The following CBR3 variants were observed in gnomAD, a reference collection of about 807,000 sequenced individuals.
CBR3 encodes the protein carbonyl reductase [NADPH] 3.
A neutral mutation model predicts 11.6 loss-of-function variants in CBR3; 14 were observed. The ratio of observed to expected loss-of-function variants is 1.20; its 90% CI spans 0.79 to 1.88. The LOEUF (loss-of-function observed/expected upper bound fraction) is 1.88, where lower values mean the gene tolerates loss of function less well. Ranked by LOEUF, CBR3 falls within the 40% of genes most tolerant of loss-of-function variation. The pLI, the probability that CBR3 is intolerant of heterozygous loss-of-function variation, is 0.00. For missense variants in CBR3, 308 were observed against 357.3 expected, an observed-to-expected ratio of 0.86 and a Z score of 1.11; for synonymous variants, 125 against 145.6, an observed-to-expected ratio of 0.86 and a Z score of 1.02.
chr21:36,143,415 A>T (rs35361990), intron 2 of CBR3, among the ~76,000 whole-genome samples: 6,666 of 152,282 alleles, frequency 0.044, 191 homozygotes, highest in Non-Finnish European at 0.064. Context: ...GTGTAAATTA[A>T]CACATTTACT....
chr21:36,143,879 C>CAAA (rs35169663), intron 2 of CBR3, among the ~76,000 whole-genome samples: 1 of 91,952 alleles, frequency 1.1e-5, no homozygotes, highest in African/African-American at 4.1e-5. Flanking sequence ...GATTCTGTCT[C>CAAA]AAAAAAAAAA....
At chr21:36,145,938 G>GC in intron 2 of CBR3, 138 bp from the exon 3 acceptor site, 1 of 648,882 alleles carries the variant, frequency 1.5e-6, no homozygotes, top group Non-Finnish European at 2.5e-6. Context: ...TCTAGCCTGG[G>GC]CAACAGGGCG....
At chr21:36,141,835 C>T in intron 2 of CBR3, 1 of 703,982 alleles carries the variant, frequency 1.4e-6, no homozygotes, top group South Asian at 6.4e-5. Flanking sequence ...CACCTCCTCC[C>T]CTTAAGAGGA....
chr21:36,137,314 A>G (rs180827848), intron 1 of CBR3: 1 of 154,618 alleles, frequency 6.5e-6, no homozygotes, highest in Non-Finnish European at 1.4e-5. Flanking sequence ...TGTCTCTGCA[A>G]AAAGTAAAAA....
intron 2 of CBR3, 103 bp from the exon 3 acceptor site, chr21:36,145,973 A>AC: frequency 2.5e-6 from 2 of 806,924 alleles, no homozygotes; most frequent in Admixed American, 3.0e-5. Flanking sequence ...AAAAAAAAAA[A>AC]AAAAAAAACC....
In CBR3 at chr21:36,146,328, A is replaced by G; in HGVS notation, c.650A>G (p.Lys217Arg). 1 of 1,614,138 alleles carries G rather than the reference A, an allele frequency of 6.2e-7. No homozygotes were observed. Among genetic ancestry groups the G allele is most frequent in the Non-Finnish European group, 8.5e-7 (1 of 1,180,012 alleles). The change falls in exon 3 of 3, where the codon AAA (lysine) becomes AGA (arginine). Residue 217 changes from lysine to arginine, a missense_variant. By Grantham distance (26) the Lys-to-Arg change is conservative (BLOSUM62 2). Transcript: ENST00000290354. Reference protein sequence around the residue: ...ILARRLDEKRKADRILVNACC... With the variant: ...ILARRLDEKRRADRILVNACC... ...GCCAGGCGTCTGGATGAGAAGAGGA[A>G]AGCTGACAGGATTCTGGTGAATGCG...
At chr21:36,145,515 T>C (rs907235995) in intron 2 of CBR3, among the ~76,000 whole-genome samples, 1 of 152,138 alleles carries the variant, frequency 6.6e-6, no homozygotes, top group Non-Finnish European at 1.5e-5. Context: ...AATTTTTCTA[T>C]TGTTAGTAGA....
chr21:36,135,493 G>A lies in CBR3; in HGVS notation c.289+12G>A. ...CGTCGCCTTCAAGAGTAGGTGCAGGGCTTGGGTTGGGGCCCCCTGGAGCGC... is the reference window on the plus strand; with the variant it reads ...CGTCGCCTTCAAGAGTAGGTGCAGGACTTGGGTTGGGGCCCCCTGGAGCGC... On this transcript the variant is annotated intron_variant, in intron 1 of 2. Transcript: ENST00000290354. The A allele has an allele frequency of 1.3e-6, 2 of 1,597,508 alleles. No homozygotes were observed. The highest frequency in any genetic ancestry group is 8.5e-7 in the Non-Finnish European group (1 of 1,170,490).
chr21:36,137,944 G>A lies in CBR3; in HGVS notation c.397+12G>A, dbSNP rs138610232. 4.9e-6 allele frequency: 7 copies of A among 1,441,096 alleles called. No homozygotes were observed. Among genetic ancestry groups the A allele is most frequent in the South Asian group, 2.3e-5 (2 of 87,626 alleles). 89.3% of individuals were successfully genotyped at this position (1,441,096 alleles called of 1,614,324 possible). A position where few individuals can be genotyped will look rare whatever the true frequency, so the allele number is the denominator to read the frequency against. Reference sequence around the variant, plus strand: ...AATGAAACCTCATGGTAAGCCCAACGTGTGGACAGTCGGGTTGCATCCCTC... The same window carrying A: ...AATGAAACCTCATGGTAAGCCCAACATGTGGACAGTCGGGTTGCATCCCTC... On this transcript the variant is annotated intron_variant, in intron 2 of 2. Coordinates refer to ENST00000290354, the MANE Select transcript of CBR3 (RefSeq NM_001236.4).
chr21:36,146,226 T>A lies in CBR3; in HGVS notation c.548T>A (p.Val183Glu). The change falls in exon 3 of 3, where the codon GTG becomes GAG. Residue 183 changes from valine (V) to glutamate (E), a missense_variant. Val to Glu is a moderately radical substitution (Grantham distance 121). Transcript: ENST00000290354. ...TTTGTGGAGGACACAAAAAATGAGG[T>A]GCATGAGAGGGAAGGCTGGCCCAAC... is the stretch of plus-strand genomic sequence containing the variant. ...KKFVEDTKNE[V>E]HEREGWPNSP... The A allele has an allele frequency of 6.2e-7, 1 of 1,613,980 alleles. No individual in the cohort carries two copies. The highest frequency in any genetic ancestry group is 1.6e-4 in the Middle Eastern group (1 of 6,062).
intron 2 of CBR3, among the ~76,000 whole-genome samples, chr21:36,142,441 A>AAAAAAAAAAAAAAAAAAAAAAAAC (rs926876949): frequency 6.7e-6 from 1 of 149,636 alleles, no homozygotes; most frequent in African/African-American, 2.5e-5. Flanking sequence ...CAAAAAAAAA[A>AAAAAAAAAAAAAAAAAAAAAAAAC]AAAAAAACGC....
At chr21:36,140,281 G>A (rs1182846047) in intron 2 of CBR3, among the ~76,000 whole-genome samples, 1 of 152,088 alleles carries the variant, frequency 6.6e-6, no homozygotes, top group Non-Finnish European at 1.5e-5. Context: ...AAAGCCTGCA[G>A]GGAGAACTGC....
In CBR3 at chr21:36,135,449, T is replaced by C. The variant is rs1482160451; in HGVS notation, c.257T>C (p.Val86Ala). The C allele has an allele frequency of 6.2e-7, 1 of 1,613,096 alleles. No homozygotes were observed. Among genetic ancestry groups the C allele is most frequent in the South Asian group, 1.1e-5 (1 of 91,012 alleles). Residue 86 changes from valine (V) to alanine (A), a missense_variant, in exon 1 of 3, where the codon GTA becomes GCA. By Grantham distance (64) the Val-to-Ala change is moderately conservative. Transcript: ENST00000290354. The part of the protein sequence containing the change: ...FLRKEYGGLN[V>A]LVNNAAVAFK... ...CGCAAGGAGTACGGGGGGCTCAACG[T>C]ACTGGTCAACAACGCGGCCGTCGCC...
rs2123332388 is a variant in CBR3 at position 36,135,145 on chromosome 21, A to G, written c.-48A>G. 1 of 1,411,284 alleles carries G rather than the reference A, an allele frequency of 7.1e-7. No individual in the cohort carries two copies. The highest frequency in any genetic ancestry group is 9.2e-7 in the Non-Finnish European group (1 of 1,088,730). The allele number at this position is 1,411,284 out of a possible 1,614,324, so 87.4% of individuals were successfully genotyped here. A position where few individuals can be genotyped will look rare whatever the true frequency, so the allele number is the denominator to read the frequency against. On this transcript the variant is annotated 5_prime_UTR_variant, in exon 1 of 3. Transcript: ENST00000290354. ...CTCGGGGCGCGCCCCAGGTGGTCCG[A>G]AGCCCGGTCCGCCCTCCACGCAGGT...
intron 1 of CBR3, 174 bp downstream of exon 1, chr21:36,135,655 A>G (rs2065653647): frequency 1.6e-6 from 1 of 627,178 alleles, no homozygotes; most frequent in Admixed American, 3.8e-5. Flanking sequence ...TGATTCGCTG[A>G]GCCCCAGGCG....
intron 2 of CBR3, among the ~76,000 whole-genome samples, chr21:36,141,155 G>A (rs896725245): frequency 1.3e-4 from 20 of 151,276 alleles, no homozygotes; most frequent in Non-Finnish European, 2.1e-4. Context: ...CCAGCTTCTC[G>A]AGAGACTGAG....
chr21:36,136,251 G>C (rs968060249), intron 1 of CBR3, among the ~76,000 whole-genome samples: 6 of 151,220 alleles, frequency 4.0e-5, no homozygotes, highest in African/African-American at 1.2e-4. Flanking sequence ...CTGGGAGGCA[G>C]TGAGCCGAGA....
intron 1 of CBR3, chr21:36,137,081 C>G (rs1463556455): frequency 1.3e-5 from 2 of 151,452 alleles, no homozygotes; most frequent in East Asian, 3.9e-4. Context: ...ATCCCCAGCT[C>G]CCTCCTACGC....
chr21:36,139,285 G>A (rs1043314278), intron 2 of CBR3, among the ~76,000 whole-genome samples: 1 of 152,034 alleles, frequency 6.6e-6, no homozygotes, highest in African/African-American at 2.4e-5. Flanking sequence ...CTGTGCTGGG[G>A]TACAGGGAAG....
Sources: allele counts gnomAD v4.1 joint callset (sites outside exome capture counted in the v4.1 genomes callset), GRCh38; gene constraint gnomAD v4.1.1; transcripts MANE v1.5; gene names NCBI Gene and HGNC (gene_info 2026-07-23, HGNC 2026-07-21).